The following PPP1CB variants were observed in gnomAD, a reference collection of about 807,000 sequenced individuals.
PPP1CB encodes protein phosphatase 1 catalytic subunit beta.
PPP1CB carries 2 observed loss-of-function variants against 43.7 expected under a neutral mutation model. The observed-to-expected ratio is 0.05, with a 90% CI of 0.02 to 0.14. The LOEUF (loss-of-function observed/expected upper bound fraction) is 0.14, where lower values mean the gene tolerates loss of function less well. Among genes scored for constraint, PPP1CB ranks in the 10% least tolerant of loss-of-function variants. PPP1CB has a pLI of 1.00. For missense variants in PPP1CB, 84 were observed against 398.0 expected (o/e 0.21, Z 6.71); for synonymous variants, 136 against 135.6 (o/e 1.00, Z -0.02).
chr2:28,796,136 TC>T (rs1215137376), intron 7 of PPP1CB, among the ~76,000 whole-genome samples: 1 of 152,182 alleles, frequency 6.6e-6, no homozygotes, highest in Non-Finnish European at 1.5e-5. Context: ...TCCATCCTGT[TC>T]CATTGGTTTA....
At position 28,799,399 on chromosome 2, in the gene PPP1CB, C is replaced by T. The variant is rs1667560666; in HGVS notation, c.*96C>T. The T allele has an allele frequency of 6.4e-6, 6 of 938,356 alleles. No homozygotes were observed. Among genetic ancestry groups the T allele is most frequent in the Non-Finnish European group, 8.1e-6 (5 of 615,812 alleles). 58.1% of individuals were successfully genotyped at this position (938,356 alleles called of 1,614,324 possible). ...TAAAACCATCCAGCCATTTGACACC[C>T]TTTATGATGTCACACCTTTAACTTA... On this transcript the variant is annotated 3_prime_UTR_variant, in exon 8 of 8. Transcript: ENST00000395366.
intron 1 of PPP1CB, among the ~76,000 whole-genome samples, chr2:28,769,096 C>T (rs569610521): frequency 6.6e-6 from 1 of 152,250 alleles, no homozygotes; most frequent in East Asian, 1.9e-4. Flanking sequence ...ATGTTAAATG[C>T]TGTCAGAAGA....
chr2:28,754,762 T>C (rs1477648378), intron 1 of PPP1CB, among the ~76,000 whole-genome samples: 1 of 152,240 alleles, frequency 6.6e-6, no homozygotes, highest in Non-Finnish European at 1.5e-5. Flanking sequence ...TAGTTAGTGA[T>C]ATTTTGTAAA....
intron 1 of PPP1CB, 33 bp downstream of exon 1, chr2:28,752,209 G>T (rs941324093): frequency 4.0e-6 from 6 of 1,514,186 alleles, no homozygotes; most frequent in Admixed American, 2.1e-5. Flanking sequence ...GACAGAGGGA[G>T]GTCGGGCACC....
At chr2:28,793,026 C>G (rs897604186) in intron 6 of PPP1CB, among the ~76,000 whole-genome samples, 5 of 151,990 alleles carry the variant, frequency 3.3e-5, no homozygotes, top group Non-Finnish European at 7.4e-5. Flanking sequence ...GCCAACATGA[C>G]AAAACCTCAT....
intron 1 of PPP1CB, among the ~76,000 whole-genome samples, chr2:28,769,297 C>T (rs1399739704): frequency 6.6e-6 from 1 of 152,130 alleles, no homozygotes; most frequent in Admixed American, 6.6e-5. Context: ...AGTGCAATGG[C>T]GTGATCTTGG....
chr2:28,791,455 C>T (rs973963219), intron 6 of PPP1CB, among the ~76,000 whole-genome samples: 6 of 151,900 alleles, frequency 3.9e-5, no homozygotes, highest in African/African-American at 1.5e-4. Context: ...CTTAGCCTCC[C>T]GAGTAGCTGG....
At chr2:28,754,038 T>G (rs993283928) in intron 1 of PPP1CB, among the ~76,000 whole-genome samples, 1 of 152,208 alleles carries the variant, frequency 6.6e-6, no homozygotes, top group Non-Finnish European at 1.5e-5. Context: ...GCCCGGCATA[T>G]TTTTATATAT....
Position 28,802,671 on chromosome 2 carries a change from G to A in PPP1CB, c.*3368G>A, listed in dbSNP as rs553063332. The stretch of plus-strand genomic sequence containing the variant: ...TAATGTTTCTTAAAAGTGAAACTTA[G>A]ATACAATTGTGATTGGATACTTAGA... On this transcript the variant is annotated 3_prime_UTR_variant, in exon 8 of 8. Coordinates refer to ENST00000395366, the MANE Select transcript of PPP1CB (RefSeq NM_002709.3). 1 of 152,272 alleles carries A rather than the reference G, an allele frequency of 6.6e-6. No homozygotes were observed. The highest frequency in any genetic ancestry group is 1.9e-4 in the East Asian group (1 of 5,184). 9.4% of individuals were successfully genotyped at this position (152,272 alleles called of 1,614,324 possible). A position where few individuals can be genotyped will look rare whatever the true frequency, so the allele number is the denominator to read the frequency against.
chr2:28,765,380 G>T (rs972751560), intron 1 of PPP1CB, among the ~76,000 whole-genome samples: 1 of 152,274 alleles, frequency 6.6e-6, no homozygotes, highest in African/African-American at 2.4e-5. Context: ...AGCATTTATA[G>T]AATTCTCCTG....
intron 4 of PPP1CB, chr2:28,782,618 T>G (rs962560315): frequency 6.6e-6 from 1 of 152,210 alleles, no homozygotes; most frequent in East Asian, 1.9e-4. Context: ...TTGTCTAGTT[T>G]AGGGAATGTG....
At chr2:28,787,869 T>A (rs926151783) in intron 5 of PPP1CB, among the ~76,000 whole-genome samples, 1 of 152,166 alleles carries the variant, frequency 6.6e-6, no homozygotes, top group Non-Finnish European at 1.5e-5. Flanking sequence ...CTCTTAAGAT[T>A]TCCACTACCA....
intron 2 of PPP1CB, among the ~76,000 whole-genome samples, chr2:28,777,773 C>T (rs540187004): frequency 6.6e-6 from 1 of 152,318 alleles, no homozygotes; most frequent in Admixed American, 6.5e-5. Flanking sequence ...CTGCCTCAGA[C>T]TCCTGAGTAG....
chr2:28,774,459 C>G (rs1572455478), intron 1 of PPP1CB, among the ~76,000 whole-genome samples: 1 of 152,088 alleles, frequency 6.6e-6, no homozygotes, highest in Admixed American at 6.6e-5. Flanking sequence ...GAATTTCGCT[C>G]TTGTCTCCCA....
chr2:28,776,158 G>T (rs759097366), intron 1 of PPP1CB, among the ~76,000 whole-genome samples: 4 of 151,260 alleles, frequency 2.6e-5, no homozygotes, highest in Non-Finnish European at 5.9e-5. Context: ...AGGCTGTTTT[G>T]ACATCCTACT....
At chr2:28,760,980 A>C (rs891242027) in intron 1 of PPP1CB, among the ~76,000 whole-genome samples, 6 of 152,156 alleles carry the variant, frequency 3.9e-5, no homozygotes, top group African/African-American at 1.4e-4. Flanking sequence ...GGCTCACTGC[A>C]GCCTCCGCCT....
intron 1 of PPP1CB, among the ~76,000 whole-genome samples, chr2:28,763,835 A>G (rs1157414581): frequency 1.3e-5 from 2 of 151,834 alleles, no homozygotes; most frequent in African/African-American, 4.8e-5. Context: ...CTCCCGAGTA[A>G]TCTGGGATTA....
chr2:28,776,667 A>G (rs537093955), intron 1 of PPP1CB, among the ~76,000 whole-genome samples, 184 bp from the exon 2 acceptor site: 1 of 152,298 alleles, frequency 6.6e-6, no homozygotes, highest in South Asian at 2.1e-4. Flanking sequence ...ATCATCAGGA[A>G]CCAGTAACAA....
In PPP1CB at chr2:28,779,057, C is replaced by G. The variant is rs1357063209; in HGVS notation, c.415+18C>G. ...TGATGAATGTAAGTGAAAATAAAGA[C>G]TTAGAAAAGTAATTCATGGAAACAT... is the stretch of plus-strand genomic sequence containing the variant. On this transcript the variant is annotated intron_variant, in intron 3 of 7. Coordinates refer to ENST00000395366, the MANE Select transcript of PPP1CB (RefSeq NM_002709.3). 1 of 1,496,050 alleles carries G rather than the reference C, an allele frequency of 6.7e-7. No homozygotes were observed. Among genetic ancestry groups the G allele is most frequent in the Non-Finnish European group, 9.2e-7 (1 of 1,087,088 alleles). 92.7% of individuals were successfully genotyped at this position (1,496,050 alleles called of 1,614,324 possible). A position where few individuals can be genotyped will look rare whatever the true frequency, so the allele number is the denominator to read the frequency against.
Sources: allele counts gnomAD v4.1 joint callset (sites outside exome capture counted in the v4.1 genomes callset), GRCh38; gene constraint gnomAD v4.1.1; transcripts MANE v1.5; gene names NCBI Gene and HGNC (gene_info 2026-07-23, HGNC 2026-07-21).